The following WWP2 variants were observed in gnomAD, a reference collection of about 807,000 sequenced individuals.
WWP2 encodes the protein WW domain containing E3 ubiquitin protein ligase 2.
A neutral mutation model predicts 121.0 loss-of-function variants in WWP2; 57 were observed. The observed-to-expected ratio is 0.47, with a 90% CI of 0.38 to 0.59. WWP2 has a LOEUF of 0.59. Ranked by LOEUF, WWP2 falls within the 20% of genes least tolerant of loss-of-function variation. The pLI, the probability that WWP2 is intolerant of heterozygous loss-of-function variation, is 0.00. For missense variants in WWP2, 962 were observed against 1,158.9 expected (o/e 0.83, Z 2.47); for synonymous variants, 449 against 441.3 (o/e 1.02, Z -0.22).
At chr16:69,872,052 A>G in intron 7 of WWP2, 121 bp downstream of exon 7, 1 of 1,402,942 alleles carries the variant, frequency 7.1e-7, no homozygotes, top group Non-Finnish European at 9.5e-7. Flanking sequence ...AGGCTCTAGG[A>G]CTAAACTGGA....
At chr16:69,798,972 T>C in intron 3 of WWP2, 143 bp downstream of exon 3, 1 of 1,367,366 alleles carries the variant, frequency 7.3e-7, no homozygotes, top group South Asian at 1.4e-5. Context: ...TTTTTAGGTG[T>C]TCCTACACCA....
At position 69,911,753 on chromosome 16, in the gene WWP2, C is replaced by T. The variant is rs183532758; in HGVS notation, c.1004+2903C>T. Among the ~76,000 whole-genome samples, 76 of 152,166 alleles carry T rather than the reference C, an allele frequency of 5.0e-4. 1 individual carries two copies. The highest frequency in any genetic ancestry group is 3.5e-3 in the South Asian group (17 of 4,818). ...GTTTATTTCTATTCTTCCTGAAAACCCACTAAAATAGTAATAAAAGTATTA... is the reference window on the plus strand; with the variant it reads ...GTTTATTTCTATTCTTCCTGAAAACTCACTAAAATAGTAATAAAAGTATTA... On this transcript the variant is annotated intron_variant, in intron 9 of 23. Transcript: ENST00000359154.
chr16:69,817,231 C>A (rs1017421844), intron 4 of WWP2, among the ~76,000 whole-genome samples: 1 of 152,094 alleles, frequency 6.6e-6, no homozygotes, highest in South Asian at 2.1e-4. Flanking sequence ...GTTTTAATGG[C>A]TACAGTAATG....
In WWP2 at chr16:69,940,119, G is replaced by A. The variant is rs772851577; in HGVS notation, c.*179G>A. ...TCCCAGGAGGCCCTGCAGTTCCCCCGACCCGCGGATGGCAGTCTGGAATAA... is the reference window on the plus strand; with the variant it reads ...TCCCAGGAGGCCCTGCAGTTCCCCCAACCCGCGGATGGCAGTCTGGAATAA... On this transcript the variant is annotated 3_prime_UTR_variant, in exon 24 of 24. Transcript: ENST00000359154. 36 of 600,866 alleles carry A rather than the reference G, an allele frequency of 6.0e-5. No individual in the cohort carries two copies. Among genetic ancestry groups the A allele is most frequent in the Middle Eastern group, 4.5e-4 (1 of 2,242 alleles). 37.2% of individuals were successfully genotyped at this position (600,866 alleles called of 1,614,324 possible).
intron 1 of WWP2, chr16:69,786,220 C>T (rs2055786273): frequency 6.6e-6 from 1 of 151,184 alleles, no homozygotes; most frequent in Non-Finnish European, 1.5e-5. Context: ...TCTCGGCTCA[C>T]TGCACCCTCC....
intron 2 of WWP2, 85 bp from the exon 3 acceptor site, chr16:69,798,597 C>A: frequency 2.1e-6 from 3 of 1,411,290 alleles, no homozygotes; most frequent in Non-Finnish European, 2.8e-6. Context: ...AAAGCAATAA[C>A]TAAAAAGAGC....
At chr16:69,874,839 A>G (rs1259741786) in intron 7 of WWP2, among the ~76,000 whole-genome samples, 2 of 152,076 alleles carry the variant, frequency 1.3e-5, no homozygotes, top group Non-Finnish European at 2.9e-5. Flanking sequence ...GTGACTCGCT[A>G]GGTCTTAGTT....
intron 2 of WWP2, among the ~76,000 whole-genome samples, chr16:69,790,400 A>G (rs1364791458): frequency 6.6e-6 from 1 of 152,212 alleles, no homozygotes; most frequent in Non-Finnish European, 1.5e-5. Context: ...GTGGGTCATC[A>G]TAAAGGTCTT....
intron 8 of WWP2, among the ~76,000 whole-genome samples, chr16:69,892,437 C>T (rs1232394592): frequency 6.6e-6 from 1 of 151,968 alleles, no homozygotes; most frequent in African/African-American, 2.4e-5. Flanking sequence ...AAACAACTCT[C>T]AAATCTGCCC....
At chr16:69,844,971 G>A (rs762909935) in intron 6 of WWP2, among the ~76,000 whole-genome samples, 3 of 152,216 alleles carry the variant, frequency 2.0e-5, no homozygotes, top group South Asian at 2.1e-4. Context: ...TTGCAGGTAT[G>A]AAGGTCACTG....
chr16:69,806,022 C>T (rs1478775193), intron 4 of WWP2, among the ~76,000 whole-genome samples: 1 of 151,690 alleles, frequency 6.6e-6, no homozygotes, highest in African/African-American at 2.4e-5. Flanking sequence ...CATAGCAAGA[C>T]CCTGTCTCTA....
intron 10 of WWP2, among the ~76,000 whole-genome samples, chr16:69,924,724 G>A (rs1043336736): frequency 7.0e-3 from 17 of 2,432 alleles, no homozygotes; most frequent in African/African-American, 0.03. Context: ...CCCCCACCCC[G>A]AGACAAACAC....
At chr16:69,837,683 G>A (rs535177402) in intron 4 of WWP2, among the ~76,000 whole-genome samples, 3 of 152,256 alleles carry the variant, frequency 2.0e-5, no homozygotes, top group African/African-American at 7.2e-5. Flanking sequence ...TTTATGAAAC[G>A]ATGACCTTTG....
Position 69,798,842 on chromosome 16 carries a change from C to A in WWP2, c.218+13C>A. On this transcript the variant is annotated intron_variant, in intron 3 of 23. Coordinates refer to ENST00000359154, the MANE Select transcript of WWP2 (RefSeq NM_001270454.2). ...AGATCATCATTTTGTAAGAGAAAGC[C>A]CCTTCTTTTTGAACGCAGCAAGATG... 6.2e-7 allele frequency: 1 copy of A among 1,612,830 alleles called. No individual in the cohort carries two copies. Among genetic ancestry groups the A allele is most frequent in the Non-Finnish European group, 8.5e-7 (1 of 1,179,394 alleles).
At chr16:69,910,733 C>G (rs556982945) in intron 9 of WWP2, among the ~76,000 whole-genome samples, 2 of 152,278 alleles carry the variant, frequency 1.3e-5, no homozygotes, top group South Asian at 4.2e-4. Context: ...CTTAACCTCT[C>G]TTGTCTAGGA....
intron 1 of WWP2, among the ~76,000 whole-genome samples, chr16:69,776,852 T>G (rs11075736): frequency 0.86 from 130,967 of 151,698 alleles, 56,776 homozygotes; most frequent in Admixed American, 0.92. Context: ...TAAAAAAAAT[T>G]ATAATAAACT....
rs1429644689 is a variant in WWP2, at chr16:69,799,309, A to G, written c.340+14A>G. On this transcript the variant is annotated intron_variant, in intron 4 of 23. Coordinates refer to ENST00000359154, the MANE Select transcript of WWP2 (RefSeq NM_001270454.2). The surrounding 1 kb of genome is among the most constrained non-coding windows in gnomAD (Gnocchi z 4.5). ...ATGGGGGCAAAAGTACGTATGATGA[A>G]GGGGGTGCCGACGTGATTCTTGGGT... 6.2e-7 allele frequency: 1 copy of G among 1,610,670 alleles called. No homozygotes were observed. Among genetic ancestry groups the G allele is most frequent in the Non-Finnish European group, 8.5e-7 (1 of 1,178,674 alleles).
At chr16:69,773,540 G>A (rs1034708249) in intron 1 of WWP2, among the ~76,000 whole-genome samples, 3 of 151,776 alleles carry the variant, frequency 2.0e-5, no homozygotes, top group African/African-American at 4.8e-5. Context: ...GGAGTGCAGT[G>A]GAGTGATTAC....
At chr16:69,796,450 G>A (rs1346182779) in intron 2 of WWP2, among the ~76,000 whole-genome samples, 1 of 152,176 alleles carries the variant, frequency 6.6e-6, no homozygotes, top group Non-Finnish European at 1.5e-5. Flanking sequence ...AGGGGTACAC[G>A]GCAGAGTATC....
Sources: allele counts gnomAD v4.1 joint callset (sites outside exome capture counted in the v4.1 genomes callset), GRCh38; gene constraint gnomAD v4.1.1; non-coding constraint Gnocchi (gnomAD v3.1); transcripts MANE v1.5; gene names NCBI Gene and HGNC (gene_info 2026-07-23, HGNC 2026-07-21).